ATP8A2: variants seen among roughly 807,000 people sequenced by gnomAD.
ATP8A2 encodes the protein phospholipid-transporting ATPase IB.
A neutral mutation model predicts 165.6 loss-of-function variants in ATP8A2; 100 were observed. The ratio of observed to expected loss-of-function variants is 0.60; its 90% CI spans 0.51 to 0.71. The LOEUF (loss-of-function observed/expected upper bound fraction) is 0.71, where lower values mean the gene tolerates loss of function less well. Among genes scored for constraint, ATP8A2 ranks in the 30% least tolerant of loss-of-function variants. ATP8A2 has a pLI of 0.00. For missense variants in ATP8A2, 1,227 were observed against 1,479.5 expected (o/e 0.83, Z 2.80); for synonymous variants, 543 against 548.8 (o/e 0.99, Z 0.15).
intron 10 of ATP8A2, among the ~76,000 whole-genome samples, chr13:25,547,341 C>T (rs1221456028): frequency 6.6e-6 from 1 of 151,754 alleles, no homozygotes; most frequent in Non-Finnish European, 1.5e-5. Context: ...ACAGCAGCTC[C>T]CCATCCCTCA....
intron 33 of ATP8A2, among the ~76,000 whole-genome samples, chr13:25,881,419 A>G (rs1177151212): frequency 6.6e-6 from 1 of 152,124 alleles, no homozygotes; most frequent in African/African-American, 2.4e-5. Flanking sequence ...TTTTCTGTAA[A>G]AGTTAAGGGT....
chr13:25,885,649 T>C (rs9507595), intron 33 of ATP8A2, among the ~76,000 whole-genome samples: 47,771 of 152,032 alleles, frequency 0.31, 8,289 homozygotes, highest in African/African-American at 0.43. Flanking sequence ...CCTGCTGTTT[T>C]TCATTATGCT....
intron 25 of ATP8A2, among the ~76,000 whole-genome samples, chr13:25,710,144 C>T (rs1338639555): frequency 4.6e-5 from 7 of 152,002 alleles, no homozygotes; most frequent in African/African-American, 2.4e-5. Context: ...AGTATGGATA[C>T]GTACTAATTG....
intron 16 of ATP8A2, among the ~76,000 whole-genome samples, 168 bp from the exon 17 acceptor site, chr13:25,570,599 T>C: frequency 6.6e-6 from 1 of 152,128 alleles, no homozygotes; most frequent in South Asian, 2.1e-4. Context: ...GCTTGGGGAC[T>C]CCAGACCAGA....
intron 16 of ATP8A2, chr13:25,567,419 T>C: frequency 2.2e-6 from 1 of 456,642 alleles, no homozygotes; most frequent in Non-Finnish European, 4.4e-6. Context: ...TCTTTCTTCT[T>C]CTTTCCTTTC....
chr13:25,999,903 G>T (rs752636501), intron 35 of ATP8A2, among the ~76,000 whole-genome samples: 7 of 152,152 alleles, frequency 4.6e-5, no homozygotes, highest in African/African-American at 7.2e-5. Context: ...GAAGTTTTAG[G>T]CTGGAAAACC....
At chr13:25,436,614 T>C (rs2034783412) in intron 1 of ATP8A2, among the ~76,000 whole-genome samples, 1 of 152,134 alleles carries the variant, frequency 6.6e-6, no homozygotes, top group Non-Finnish European at 1.5e-5. Flanking sequence ...TTCCTTGGGG[T>C]ATATACTCAC....
At chr13:25,956,755 A>G (rs1483678014) in intron 33 of ATP8A2, among the ~76,000 whole-genome samples, 1 of 152,242 alleles carries the variant, frequency 6.6e-6, no homozygotes, top group Non-Finnish European at 1.5e-5. Context: ...TCTTCACAGA[A>G]TTAGAAAAAA....
chr13:25,757,899 C>T (rs752074096), intron 25 of ATP8A2, among the ~76,000 whole-genome samples: 4 of 152,102 alleles, frequency 2.6e-5, no homozygotes, highest in Non-Finnish European at 5.9e-5. Context: ...TAGCTCTATT[C>T]TGAAGGCACA....
intron 33 of ATP8A2, among the ~76,000 whole-genome samples, chr13:25,914,484 C>T (rs1206597827): frequency 6.6e-6 from 1 of 152,152 alleles, no homozygotes; most frequent in Non-Finnish European, 1.5e-5. Context: ...CATCTCAATG[C>T]TCAGAAGTGG....
chr13:25,415,205 A>G (rs1203611424), intron 1 of ATP8A2, among the ~76,000 whole-genome samples: 1 of 152,204 alleles, frequency 6.6e-6, no homozygotes, highest in Non-Finnish European at 1.5e-5. Flanking sequence ...TTGTGGGTAT[A>G]TTACAGTTAG....
intron 35 of ATP8A2, among the ~76,000 whole-genome samples, chr13:26,012,221 C>G (rs919299586): frequency 6.6e-6 from 1 of 152,310 alleles, no homozygotes; most frequent in Middle Eastern, 3.4e-3. Flanking sequence ...TACCCGGAAA[C>G]AGGCCTCTCC....
intron 33 of ATP8A2, among the ~76,000 whole-genome samples, chr13:25,925,430 A>T (rs1292899470): frequency 6.6e-6 from 1 of 151,392 alleles, no homozygotes; most frequent in Non-Finnish European, 1.5e-5. Flanking sequence ...GCTACTCGGG[A>T]GGCTGAGGCA....
At position 25,413,214 on chromosome 13, in the gene ATP8A2, G is replaced by C. The variant is rs139894637; in HGVS notation, c.76+40926G>C. On this transcript the variant is annotated intron_variant, in intron 1 of 36. Transcript: ENST00000381655. Reference sequence around the variant, plus strand: ...TACTGCAATAGAAGTAATTCTTCTAGTAGTTTTGGTGAGAATATCTTTTAT... The same window carrying C: ...TACTGCAATAGAAGTAATTCTTCTACTAGTTTTGGTGAGAATATCTTTTAT... 5.7e-3 allele frequency among the ~76,000 whole-genome samples: 856 copies of C among 151,202 alleles called. 8 individuals carry two copies. Among genetic ancestry groups the C allele is most frequent in the African/African-American group, 0.02 (809 of 41,260 alleles).
chr13:25,498,243 G>A (rs1296478447), intron 2 of ATP8A2, among the ~76,000 whole-genome samples: 3 of 152,150 alleles, frequency 2.0e-5, no homozygotes, highest in Non-Finnish European at 4.4e-5. Flanking sequence ...TCAGTATCAA[G>A]GCAGCAAATA....
At chr13:25,971,003 T>G (rs1489861023) in intron 35 of ATP8A2, among the ~76,000 whole-genome samples, 1 of 151,716 alleles carries the variant, frequency 6.6e-6, no homozygotes, top group Non-Finnish European at 1.5e-5. Flanking sequence ...TATGATGGGG[T>G]GTGTGTGTGT....
intron 1 of ATP8A2, among the ~76,000 whole-genome samples, chr13:25,465,679 C>CTTTT (rs1167139313): frequency 0.018 from 159 of 9,082 alleles, 4 homozygotes; most frequent in African/African-American, 0.035. Flanking sequence ...TTCTTTCTTT[C>CTTTT]TTTCTTTCTT....
chr13:25,473,107 C>T (rs922270794), intron 2 of ATP8A2, among the ~76,000 whole-genome samples: 4 of 152,150 alleles, frequency 2.6e-5, no homozygotes, highest in Middle Eastern at 3.2e-3. Flanking sequence ...TCCATTGTGG[C>T]CTCAGCACCC....
intron 27 of ATP8A2, among the ~76,000 whole-genome samples, chr13:25,819,278 G>A (rs935213623): frequency 4.6e-5 from 7 of 152,136 alleles, no homozygotes; most frequent in Non-Finnish European, 1.0e-4. Flanking sequence ...GACTCAGTCA[G>A]CAATAGAAAA....
Sources: allele counts gnomAD v4.1 joint callset (sites outside exome capture counted in the v4.1 genomes callset), GRCh38; gene constraint gnomAD v4.1.1; transcripts MANE v1.5; gene names NCBI Gene and HGNC (gene_info 2026-07-23, HGNC 2026-07-21).